Variants in CFAP54 observed in about 807,000 individuals in gnomAD.
The protein encoded by CFAP54 is cilia and flagella associated protein 54.
A neutral mutation model predicts 370.4 loss-of-function variants in CFAP54; 290 were observed. The observed-to-expected ratio is 0.78, with a 90% CI of 0.71 to 0.86. The LOEUF (loss-of-function observed/expected upper bound fraction) is 0.86. CFAP54 is among the 40% of genes least tolerant of loss of function. The pLI is 0.00. For missense variants in CFAP54, 3,399 were observed against 3,528.7 expected, an observed-to-expected ratio of 0.96 and a Z score of 0.93; for synonymous variants, 1,206 against 1,236.5, an observed-to-expected ratio of 0.98 and a Z score of 0.52.
chr12:96,613,553 A>AG (rs901165331), intron 26 of CFAP54, among the ~76,000 whole-genome samples: 47 of 152,064 alleles, frequency 3.1e-4, no homozygotes, highest in African/African-American at 1.1e-3. Context: ...GACACAAAAA[A>AG]CCTTCAAAAA....
intron 17 of CFAP54, among the ~76,000 whole-genome samples, chr12:96,555,278 C>T (rs990424786): frequency 6.6e-6 from 1 of 151,858 alleles, no homozygotes; most frequent in African/African-American, 2.4e-5. Context: ...GAGTTCCTGG[C>T]AGGGGCGTGT....
chr12:96,800,204 T>TG (rs754296519), intron 63 of CFAP54, among the ~76,000 whole-genome samples: 11 of 152,190 alleles, frequency 7.2e-5, no homozygotes, highest in Non-Finnish European at 1.5e-4. Context: ...ATGCTGCTAT[T>TG]GGAAAAACAA....
chr12:96,704,820 A>T, intron 47 of CFAP54, 24 bp downstream of exon 47: 1 of 936,974 alleles, frequency 1.1e-6, no homozygotes, highest in East Asian at 3.4e-5. Flanking sequence ...TATTTTATAA[A>T]CATGGTTTTC....
chr12:96,812,356 G>A (rs1233906349), intron 64 of CFAP54, among the ~76,000 whole-genome samples: 1 of 152,066 alleles, frequency 6.6e-6, no homozygotes, highest in African/African-American at 2.4e-5. Context: ...CTTCATCTAG[G>A]TTGTTTTCCT....
In CFAP54 at chr12:96,647,472, C is replaced by CAAAAAAAAAAAAAAAA. The variant is rs57089692; in HGVS notation, c.4548-394_4548-379dup. Reference sequence around the variant, plus strand: ...TGGGCGACAGAGCGAGACTCTGTCCCAAAAAAAAAAAAAAAAAAAAAAAAG... The same window carrying CAAAAAAAAAAAAAAAA: ...TGGGCGACAGAGCGAGACTCTGTCCCAAAAAAAAAAAAAAAAAAAAAAAAAAAAAAAAAAAAAAAAG... On this transcript the variant is annotated intron_variant, in intron 33 of 67. Transcript: ENST00000524981. Among the ~76,000 whole-genome samples the CAAAAAAAAAAAAAAAA allele has an allele frequency of 6.7e-3, 275 of 40,754 alleles. 36 individuals carry two copies. Among genetic ancestry groups the CAAAAAAAAAAAAAAAA allele is most frequent in the Non-Finnish European group, 8.5e-3 (203 of 23,990 alleles). 26.7% of individuals were successfully genotyped at this position (40,754 alleles called of 152,430 possible). A position where few individuals can be genotyped will look rare whatever the true frequency, so the allele number is the denominator to read the frequency against.
At chr12:96,856,312 T>G (rs1195470405) in intron 66 of CFAP54, among the ~76,000 whole-genome samples, 1 of 152,240 alleles carries the variant, frequency 6.6e-6, no homozygotes, top group African/African-American at 2.4e-5. Flanking sequence ...GGCTCCTTTT[T>G]ACTTATGCAA....
chr12:96,589,367 T>G (rs1385082266), intron 22 of CFAP54, 60 bp from the exon 23 acceptor site: 3 of 1,292,710 alleles, frequency 2.3e-6, no homozygotes, highest in Non-Finnish European at 3.2e-6. Flanking sequence ...TTAAGAATTA[T>G]TGTTTAAAAC....
At chr12:96,508,655 T>C (rs1398798698) in intron 4 of CFAP54, among the ~76,000 whole-genome samples, 3 of 151,900 alleles carry the variant, frequency 2.0e-5, no homozygotes, top group Non-Finnish European at 4.4e-5. Context: ...GTATGTGCTT[T>C]TTTCCTTTTC....
chr12:96,808,999 A>G (rs1958907052), intron 63 of CFAP54, among the ~76,000 whole-genome samples: 1 of 152,202 alleles, frequency 6.6e-6, no homozygotes, highest in African/African-American at 2.4e-5. Context: ...CTAGGCTGAC[A>G]GTTATTTTCC....
At chr12:96,792,999 C>G (rs544042459) in intron 63 of CFAP54, among the ~76,000 whole-genome samples, 126 of 152,062 alleles carry the variant, frequency 8.3e-4, no homozygotes, top group Admixed American at 2.3e-3. Context: ...ATTTTCACCT[C>G]TGTTTTCCTG....
chr12:96,525,172 G>C (rs967561894), intron 8 of CFAP54, among the ~76,000 whole-genome samples: 5 of 139,956 alleles, frequency 3.6e-5, no homozygotes, highest in African/African-American at 1.3e-4. Context: ...TTTTTTTTTT[G>C]TTAATTCAGT....
intron 66 of CFAP54, among the ~76,000 whole-genome samples, chr12:96,837,141 T>A (rs945361079): frequency 6.6e-6 from 1 of 152,236 alleles, no homozygotes; most frequent in Admixed American, 6.5e-5. Flanking sequence ...ATTTTTGATA[T>A]GTTTATGATC....
At chr12:96,756,845 T>A (rs1246279003) in intron 57 of CFAP54, among the ~76,000 whole-genome samples, 1 of 152,218 alleles carries the variant, frequency 6.6e-6, no homozygotes, top group Non-Finnish European at 1.5e-5. Flanking sequence ...GCTTCTAAAC[T>A]GGAAGATCCT....
intron 66 of CFAP54, among the ~76,000 whole-genome samples, chr12:96,837,621 T>C (rs1396221807): frequency 6.6e-6 from 1 of 152,214 alleles, no homozygotes; most frequent in East Asian, 1.9e-4. Flanking sequence ...CCAACAAATG[T>C]TCAAAAAAAG....
chr12:96,640,058 A>C (rs1366246527), intron 32 of CFAP54, among the ~76,000 whole-genome samples: 2 of 152,272 alleles, frequency 1.3e-5, no homozygotes, highest in South Asian at 2.1e-4. Flanking sequence ...TATTCAACAT[A>C]GTGTTGGAAG....
intron 22 of CFAP54, among the ~76,000 whole-genome samples, chr12:96,588,559 G>A (rs1956094629): frequency 6.6e-6 from 1 of 152,180 alleles, no homozygotes; most frequent in Admixed American, 6.5e-5. Flanking sequence ...GAGATCATGA[G>A]TATTCATTGG....
chr12:96,632,069 A>G (rs955793405), intron 32 of CFAP54, among the ~76,000 whole-genome samples: 3 of 151,740 alleles, frequency 2.0e-5, no homozygotes, highest in Non-Finnish European at 4.4e-5. Flanking sequence ...CATTGTTTCA[A>G]TTTTCATTTC....
chr12:96,742,369 A>T, intron 51 of CFAP54, 70 bp from the exon 52 acceptor site: 2 of 1,155,996 alleles, frequency 1.7e-6, no homozygotes, highest in Non-Finnish European at 2.5e-6. Context: ...AACTTACATT[A>T]CATTTAGTCT....
At chr12:96,645,184 T>C in intron 33 of CFAP54, 1 of 456,678 alleles carries the variant, frequency 2.2e-6, no homozygotes, top group South Asian at 1.5e-5. Flanking sequence ...ACTGAGTGTC[T>C]TTGGCTAAGT....
Sources: allele counts gnomAD v4.1 joint callset (sites outside exome capture counted in the v4.1 genomes callset), GRCh38; gene constraint gnomAD v4.1.1; transcripts MANE v1.5; gene names NCBI Gene and HGNC (gene_info 2026-07-23, HGNC 2026-07-21).